Variants in PCDHA6 observed in about 807,000 individuals in gnomAD.
PCDHA6 encodes the protein protocadherin alpha-6.
Under a neutral mutation model 60.3 loss-of-function variants are expected in PCDHA6, and 55 were observed. That is an observed-to-expected ratio of 0.91 (90% CI 0.73 to 1.14). PCDHA6 has a LOEUF of 1.14. Ranked by LOEUF, PCDHA6 falls within the 50% of genes most tolerant of loss-of-function variation. The probability of loss-of-function intolerance (pLI) is 0.00; values close to 1 mark genes in which losing one functional copy is unlikely to be tolerated. For missense variants in PCDHA6, 1,327 were observed against 1,256.5 expected (o/e 1.06, Z -0.85); for synonymous variants, 652 against 557.9 (o/e 1.17, Z -2.38).
At chr5:140,907,517 G>C (rs1174112923) in intron 1 of PCDHA6, among the ~76,000 whole-genome samples, 1 of 152,192 alleles carries the variant, frequency 6.6e-6, no homozygotes, top group Non-Finnish European at 1.5e-5. Flanking sequence ...TTCCAGTGAG[G>C]ACAAATCGCT....
chr5:140,857,483 T>C lies in PCDHA6; in HGVS notation c.2394+26998T>C, dbSNP rs781790244. 2.8e-5 allele frequency: 44 copies of C among 1,598,450 alleles called. 2 individuals carry two copies. Among genetic ancestry groups the C allele is most frequent in the Non-Finnish European group, 3.2e-5 (37 of 1,167,868 alleles). On this transcript the variant is annotated intron_variant, in intron 1 of 3. Transcript: ENST00000529310. ...CTGCCACATCTTCACGGTGTCTGCG[T>C]GGGACGCGGACGCGCAGGAGAACGC...
At position 140,850,636 on chromosome 5, in the gene PCDHA6, C is replaced by T. The variant is rs2150491740; in HGVS notation, c.2394+20151C>T. The T allele has an allele frequency of 8.1e-6, 13 of 1,598,538 alleles. 2 individuals are homozygous for T. The highest frequency in any genetic ancestry group is 6.7e-5 in the Admixed American group (4 of 59,320). Reference sequence around the variant, plus strand: ...GCGGTGTCTAGCCTGTTGGTTCTCACGCTGCTGCTGTACACTGTGCTGCGG... The same window carrying T: ...GCGGTGTCTAGCCTGTTGGTTCTCATGCTGCTGCTGTACACTGTGCTGCGG... On this transcript the variant is annotated intron_variant, in intron 1 of 3. Transcript: ENST00000529310.
intron 1 of PCDHA6, chr5:140,877,657 G>A: frequency 6.2e-7 from 1 of 1,613,570 alleles, no homozygotes; most frequent in Non-Finnish European, 8.5e-7. Flanking sequence ...GCCGCCCACC[G>A]TGAGCCGGTG....
At chr5:140,958,339 G>A (rs1177083248) in intron 1 of PCDHA6, among the ~76,000 whole-genome samples, 2 of 152,024 alleles carry the variant, frequency 1.3e-5, no homozygotes, top group African/African-American at 4.8e-5. Context: ...TAAATCACAG[G>A]AAGTTCACAG....
intron 1 of PCDHA6, among the ~76,000 whole-genome samples, chr5:140,879,278 T>C (rs2057927174): frequency 6.6e-6 from 1 of 152,180 alleles, no homozygotes; most frequent in Non-Finnish European, 1.5e-5. Flanking sequence ...ACAGACTCAA[T>C]ACAAATGATA....
chr5:140,889,441 C>G (rs2062226063), intron 1 of PCDHA6, among the ~76,000 whole-genome samples: 2 of 151,842 alleles, frequency 1.3e-5, no homozygotes, highest in African/African-American at 2.4e-5. Flanking sequence ...CAGGTATTTT[C>G]CTGTTTAATC....
intron 1 of PCDHA6, among the ~76,000 whole-genome samples, chr5:140,915,245 C>T (rs1366061257): frequency 2.0e-5 from 3 of 152,088 alleles, no homozygotes; most frequent in Non-Finnish European, 4.4e-5. Flanking sequence ...CCATGCCTGG[C>T]CAGGTTGTTA....
rs1379948594 is a variant in PCDHA6, at chr5:140,982,575, G to A, written c.2542+12G>A. ...CAGTGCAACACCAGGTAAAGAGCTGGGGTCTCTCCATTCTTTCTTGGTTTC... is the reference window on the plus strand; with the variant it reads ...CAGTGCAACACCAGGTAAAGAGCTGAGGTCTCTCCATTCTTTCTTGGTTTC... On this transcript the variant is annotated intron_variant, in intron 3 of 3. Coordinates refer to ENST00000529310, the MANE Select transcript of PCDHA6 (RefSeq NM_018909.4). The A allele has an allele frequency of 6.2e-7, 1 of 1,613,444 alleles. No homozygotes were observed. The highest frequency in any genetic ancestry group is 8.5e-7 in the Non-Finnish European group (1 of 1,179,518).
At position 140,836,827 on chromosome 5, in the gene PCDHA6, G is replaced by T; in HGVS notation, c.2394+6342G>T. The T allele has an allele frequency of 4.1e-6, 4 of 968,068 alleles. No individual in the cohort carries two copies. In the South Asian group the frequency reaches 7.2e-5, roughly 17 times the overall value. 60.0% of individuals were successfully genotyped at this position (968,068 alleles called of 1,614,324 possible). A position where few individuals can be genotyped will look rare whatever the true frequency, so the allele number is the denominator to read the frequency against. On this transcript the variant is annotated intron_variant, in intron 1 of 3. Transcript: ENST00000529310. ...ATTTTCTTTCATAATTTCTTTTTTA[G>T]TTGATAGCTTTATGTATAATTATTA...
In PCDHA6 at chr5:140,857,915, G is replaced by A. The variant is rs1265955881; in HGVS notation, c.2394+27430G>A. The A allele has an allele frequency of 4.6e-5, 74 of 1,597,796 alleles. 10 individuals carry two copies. The highest frequency in any genetic ancestry group is 6.0e-5 in the Non-Finnish European group (70 of 1,167,592). On this transcript the variant is annotated intron_variant, in intron 1 of 3. Transcript: ENST00000529310. ...GGTTGGTGCACGCATCCCGTTTCGC[G>A]TGGGGCTGTACACGGGCGAGATCAG...
intron 1 of PCDHA6, among the ~76,000 whole-genome samples, chr5:140,936,021 T>TA (rs2090725097): frequency 1.3e-5 from 2 of 151,374 alleles, no homozygotes; most frequent in African/African-American, 4.9e-5. Flanking sequence ...GCCTCCCGAG[T>TA]AGCGGGGATT....
At chr5:140,865,904 T>A (rs1554159710) in intron 1 of PCDHA6, 1 of 152,148 alleles carries the variant, frequency 6.6e-6, no homozygotes. Context: ...TACAGGCAAA[T>A]CTTTCTTTCT....
At chr5:140,864,945 C>A (rs2048665503) in intron 1 of PCDHA6, 1 of 152,120 alleles carries the variant, frequency 6.6e-6, no homozygotes, top group African/African-American at 2.4e-5. Flanking sequence ...GGCCTGTAAT[C>A]CCAGCATTTT....
chr5:140,870,956 G>T (rs1554164932), intron 1 of PCDHA6: 2 of 1,613,520 alleles, frequency 1.2e-6, no homozygotes, highest in East Asian at 2.2e-5. Flanking sequence ...GGCGGCTCGC[G>T]CATCCCGTTC....
intron 1 of PCDHA6, chr5:140,883,465 C>T: frequency 6.2e-7 from 1 of 1,614,156 alleles, no homozygotes; most frequent in South Asian, 1.1e-5. Context: ...AGCTGGTGTC[C>T]ACCTACAAGA....
intron 2 of PCDHA6, 179 bp from the exon 3 acceptor site, chr5:140,982,296 C>G (rs886254601): frequency 8.6e-7 from 1 of 1,167,014 alleles, no homozygotes; most frequent in African/African-American, 1.5e-5. Context: ...AGTAAGTCAG[C>G]AATGCTTCTG....
At chr5:140,867,315 G>A (rs2049883099) in intron 1 of PCDHA6, 1 of 151,948 alleles carries the variant, frequency 6.6e-6, no homozygotes. Flanking sequence ...CTGTCATCTG[G>A]TCTAATGTTA....
At position 140,830,393 on chromosome 5, in the gene PCDHA6, G is replaced by T. The variant is rs1388629889; in HGVS notation, c.2302G>T (p.Asp768Tyr). 4.3e-6 allele frequency: 7 copies of T among 1,614,072 alleles called. No individual in the cohort carries two copies. The highest frequency in any genetic ancestry group is 1.3e-5 in the African/African-American group (1 of 74,946). Residue 768 changes from aspartate to tyrosine, a missense_variant, in exon 1 of 4, where the codon GAT becomes TAT. Asp to Tyr is a radical substitution (Grantham distance 160, BLOSUM62 -3). Transcript: ENST00000529310. ...CTCCGGGGAGGGCCCACCCAAGATG[G>T]ATCTCATGGCCTTTAGCCCCAGCCT... Reference protein sequence around the residue: ...VCSGEGPPKMDLMAFSPSLSP... With the variant: ...VCSGEGPPKMYLMAFSPSLSP...
chr5:140,836,350 A>G, intron 1 of PCDHA6: 1 of 1,613,636 alleles, frequency 6.2e-7, no homozygotes, highest in Non-Finnish European at 8.5e-7. Context: ...GACCACGGGG[A>G]GCCCTCGCTG....
Sources: gnomAD v4.1 joint callset for allele counts (sites outside exome capture counted in the v4.1 genomes callset) on GRCh38, gnomAD v4.1.1 for gene constraint, MANE v1.5 for transcripts, NCBI Gene and HGNC (gene_info 2026-07-23, HGNC 2026-07-21) for gene names.